Variants in ELFN1 observed in about 807,000 individuals in gnomAD.
The protein encoded by ELFN1 is protein ELFN1.
In ELFN1, 6 loss-of-function variants were observed where a neutral mutation model predicts 7.6. That is an observed-to-expected ratio of 0.79 (90% CI 0.43 to 1.56). The LOEUF (loss-of-function observed/expected upper bound fraction) is 1.56, where lower values mean the gene tolerates loss of function less well. ELFN1 is among the 40% of genes most tolerant of loss of function. ELFN1 has a pLI of 0.01. For missense variants in ELFN1, 1,169 were observed against 1,232.2 expected (o/e 0.95, Z 0.77); for synonymous variants, 657 against 588.1 (o/e 1.12, Z -1.70).
At chr7:1,702,715 T>C (rs1236078908) in intron 2 of ELFN1, among the ~76,000 whole-genome samples, 2 of 151,438 alleles carry the variant, frequency 1.3e-5, no homozygotes. Context: ...TTTGGTAACA[T>C]ATACATTCTG....
chr7:1,707,718 A>C (rs187395331), intron 2 of ELFN1, among the ~76,000 whole-genome samples: 8 of 152,352 alleles, frequency 5.3e-5, no homozygotes, highest in Admixed American at 5.2e-4. Flanking sequence ...GTTAAGTAAT[A>C]ATCTCTAACT....
At chr7:1,687,158 G>C (rs1266708491) in intron 1 of ELFN1, among the ~76,000 whole-genome samples, 5 of 152,138 alleles carry the variant, frequency 3.3e-5, no homozygotes, top group Non-Finnish European at 7.3e-5. Flanking sequence ...AGAGCTTCAG[G>C]TAAGAACTCC....
At chr7:1,684,863 T>G (rs916561327) in intron 1 of ELFN1, among the ~76,000 whole-genome samples, 1 of 152,218 alleles carries the variant, frequency 6.6e-6, no homozygotes, top group East Asian at 1.9e-4. Flanking sequence ...TCTTATGTTT[T>G]TAAAAGAAGT....
At chr7:1,722,597 C>T (rs1412247791) in intron 3 of ELFN1, among the ~76,000 whole-genome samples, 3 of 152,000 alleles carry the variant, frequency 2.0e-5, no homozygotes, top group East Asian at 3.9e-4. Flanking sequence ...GTCCAACTTC[C>T]ACTCCAGTAC....
chr7:1,691,292 G>A (rs1779158431), intron 2 of ELFN1, among the ~76,000 whole-genome samples: 1 of 152,194 alleles, frequency 6.6e-6, no homozygotes, highest in Admixed American at 6.5e-5. Context: ...TGCACCCTCG[G>A]AGGTTGATGC....
intron 2 of ELFN1, among the ~76,000 whole-genome samples, chr7:1,704,109 A>C (rs547223874): frequency 1.3e-5 from 2 of 152,232 alleles, no homozygotes; most frequent in East Asian, 3.9e-4. Flanking sequence ...AGCCCATGGG[A>C]GGGCCTGGCA....
At chr7:1,689,056 T>G (rs1242662077) in intron 2 of ELFN1, among the ~76,000 whole-genome samples, 7 of 152,222 alleles carry the variant, frequency 4.6e-5, no homozygotes, top group Non-Finnish European at 8.8e-5. Flanking sequence ...CATCGTTAAG[T>G]CAGGGACTGT....
intron 1 of ELFN1, among the ~76,000 whole-genome samples, chr7:1,677,413 G>T (rs927491280): frequency 2.6e-4 from 40 of 152,226 alleles, no homozygotes; most frequent in Admixed American, 7.9e-4. Context: ...TTTGCGTGTG[G>T]CTCTGGGTGC....
chr7:1,746,713 CGT>C lies in ELFN1; in HGVS notation c.2118_2119del (p.Tyr707ProfsTer282). On this transcript the variant is annotated frameshift_variant, in exon 4 of 4. Transcript: ENST00000424383. LOFTEE classifies it low-confidence loss of function (END_TRUNC). Reference sequence around the variant, plus strand: ...CGCCAGTACGGCGAGCACCGGCACTCGTACCCCGGCTCCCACCCGGCCGAGCC... The same window carrying C: ...CGCCAGTACGGCGAGCACCGGCACTCACCCCGGCTCCCACCCGGCCGAGCC... 1 of 1,475,138 alleles carries C rather than the reference CGT, an allele frequency of 6.8e-7. No individual in the cohort carries two copies. The highest frequency in any genetic ancestry group is 8.9e-7 in the Non-Finnish European group (1 of 1,119,604). 91.4% of individuals were successfully genotyped at this position (1,475,138 alleles called of 1,614,324 possible). A position where few individuals can be genotyped will look rare whatever the true frequency, so the allele number is the denominator to read the frequency against.
At chr7:1,691,110 C>G (rs1445221551) in intron 2 of ELFN1, among the ~76,000 whole-genome samples, 1 of 152,134 alleles carries the variant, frequency 6.6e-6, no homozygotes, top group Non-Finnish European at 1.5e-5. Flanking sequence ...AGTGGCTTGT[C>G]CAAGCCCAGG....
chr7:1,716,137 G>A (rs1779824240), intron 3 of ELFN1, among the ~76,000 whole-genome samples: 1 of 152,220 alleles, frequency 6.6e-6, no homozygotes. Flanking sequence ...AGCTGTGCCT[G>A]CTCCTCTTCC....
chr7:1,710,344 C>T (rs1294832450), intron 3 of ELFN1, among the ~76,000 whole-genome samples: 1 of 152,210 alleles, frequency 6.6e-6, no homozygotes, highest in Non-Finnish European at 1.5e-5. Flanking sequence ...GTTCCCCAGA[C>T]CTCTCCACAG....
intron 3 of ELFN1, among the ~76,000 whole-genome samples, chr7:1,716,218 T>C (rs1386246961): frequency 6.6e-6 from 1 of 151,398 alleles, no homozygotes; most frequent in Non-Finnish European, 1.5e-5. Context: ...GAGGTCCTAC[T>C]ACCCTGCAAT....
chr7:1,745,910 C>T lies in ELFN1; in HGVS notation c.1314C>T (p.Tyr438=). 1 of 1,580,576 alleles carries T rather than the reference C, an allele frequency of 6.3e-7. No individual in the cohort carries two copies. The highest frequency in any genetic ancestry group is 8.6e-7 in the Non-Finnish European group (1 of 1,165,130). ...TGCTGGTGCTGGGCGCCGTCTACTA[C>T]TGCCTGCGCAGGCGGCGGCGCCAGG... The part of the protein sequence containing the change: ...GMVLVLGAVY[Y]CLRRRRRQEE... Residue 438 remains tyrosine (Y), a synonymous_variant, in exon 4 of 4, where the codon TAC becomes TAT. Coordinates refer to ENST00000424383, the MANE Select transcript of ELFN1 (RefSeq NM_001128636.4).
chr7:1,666,378 G>A (rs982663351), upstream of ELFN1, among the ~76,000 whole-genome samples: 5 of 152,004 alleles, frequency 3.3e-5, no homozygotes, highest in Non-Finnish European at 7.4e-5. This position sits in a 1 kb window ranked among gnomAD's most constrained non-coding sequence, Gnocchi z 7.9. Flanking sequence ...GTCCGCGCCA[G>A]GGCCGAGTCT....
chr7:1,721,543 T>G (rs1161519158), intron 3 of ELFN1, among the ~76,000 whole-genome samples: 1 of 152,210 alleles, frequency 6.6e-6, no homozygotes, highest in Non-Finnish European at 1.5e-5. Flanking sequence ...GAAGAACAGC[T>G]GGGGCCTTAA....
chr7:1,721,745 C>G (rs9886118), intron 3 of ELFN1, among the ~76,000 whole-genome samples: 1 of 152,174 alleles, frequency 6.6e-6, no homozygotes, highest in East Asian at 1.9e-4. Context: ...CCATCGCTCA[C>G]GATCTGCTGT....
At position 1,722,336 on chromosome 7, in the gene ELFN1, G is replaced by A. The variant is rs377107908; in HGVS notation, c.-294+13084G>A. On this transcript the variant is annotated intron_variant, in intron 3 of 3. Coordinates refer to ENST00000424383, the MANE Select transcript of ELFN1 (RefSeq NM_001128636.4). ...GGCTGGGGTGCAGTGGCGCGATCTCGGCTCACTGCAACCTCCGCCTCCTGG... is the reference window on the plus strand; with the variant it reads ...GGCTGGGGTGCAGTGGCGCGATCTCAGCTCACTGCAACCTCCGCCTCCTGG... 4.7e-5 allele frequency among the ~76,000 whole-genome samples: 7 copies of A among 147,474 alleles called. No homozygotes were observed. The East Asian group carries it at 1.0e-3, about 21-fold the overall frequency.
In ELFN1 at chr7:1,746,424, G is replaced by A. The variant is rs1440104802; in HGVS notation, c.1828G>A (p.Gly610Ser). The change falls in exon 4 of 4, where the codon GGC becomes AGC. Residue 610 changes from glycine (G) to serine (S), a missense_variant. Coordinates refer to ENST00000424383, the MANE Select transcript of ELFN1 (RefSeq NM_001128636.4). ...LLSEPLAAKH[G>S]FLAPGYKDAF... ...GTCCGAGCCGCTGGCCGCCAAGCAC[G>A]GCTTCCTGGCGCCCGGGTACAAGGA... 11 of 1,532,820 alleles carry A rather than the reference G, an allele frequency of 7.2e-6. No individual in the cohort carries two copies. In the East Asian group the frequency reaches 9.9e-5, roughly 14 times the overall value. 95.0% of individuals were successfully genotyped at this position (1,532,820 alleles called of 1,614,324 possible). A position where few individuals can be genotyped will look rare whatever the true frequency, so the allele number is the denominator to read the frequency against.
Sources: gnomAD v4.1 joint callset for allele counts (sites outside exome capture counted in the v4.1 genomes callset) on GRCh38, gnomAD v4.1.1 for gene constraint, Gnocchi (gnomAD v3.1) non-coding constraint, MANE v1.5 for transcripts, NCBI Gene and HGNC (gene_info 2026-07-23, HGNC 2026-07-21) for gene names.